The following ATP2B2 variants were observed in gnomAD, a reference collection of about 807,000 sequenced individuals.
ATP2B2 encodes plasma membrane calcium-transporting ATPase 2.
Under a neutral mutation model 120.0 loss-of-function variants are expected in ATP2B2, and 15 were observed. That is an observed-to-expected ratio of 0.12 (90% confidence interval 0.08 to 0.19). The LOEUF is 0.19. ATP2B2 is among the 10% of genes least tolerant of loss of function. ATP2B2 has a pLI of 1.00. For missense variants in ATP2B2, 1,045 were observed against 1,719.8 expected (o/e 0.61, Z 6.94); for synonymous variants, 694 against 700.3 (o/e 0.99, Z 0.14).
intron 1 of ATP2B2, among the ~76,000 whole-genome samples, chr3:10,453,330 T>G (rs945113509): frequency 1.3e-5 from 2 of 152,340 alleles, no homozygotes; most frequent in South Asian, 2.1e-4. Context: ...GCCCAGAACA[T>G]AGTCAGCACT....
intron 2 of ATP2B2, among the ~76,000 whole-genome samples, chr3:10,616,298 T>C (rs890104213): frequency 3.3e-5 from 5 of 152,220 alleles, no homozygotes; most frequent in African/African-American, 1.2e-4. Flanking sequence ...CTGGTGTCTT[T>C]ATAAGAAAAA....
At chr3:10,543,633 T>G (rs892940655) in intron 2 of ATP2B2, among the ~76,000 whole-genome samples, 1 of 152,228 alleles carries the variant, frequency 6.6e-6, no homozygotes, top group African/African-American at 2.4e-5. Flanking sequence ...GTTATTGTTG[T>G]TTTTAAATGA....
rs537297686 is a variant in ATP2B2, at chr3:10,480,181, T to C, written c.-320+25284A>G. 1.8e-3 allele frequency among the ~76,000 whole-genome samples: 278 copies of C among 152,302 alleles called. 2 individuals carry two copies. The highest frequency in any genetic ancestry group is 6.3e-3 in the African/African-American group (263 of 41,568). On this transcript the variant is annotated intron_variant, in intron 1 of 22. Transcript: ENST00000360273. ...GGGGGAAGGGTGTATTCACTTTCTA[T>C]AAATTTTGGGTTTTCTGAGAACTTA...
intron 2 of ATP2B2, among the ~76,000 whole-genome samples, chr3:10,549,736 T>C (rs1171285433): frequency 6.6e-6 from 1 of 152,106 alleles, no homozygotes; most frequent in Non-Finnish European, 1.5e-5. Flanking sequence ...TGCCCTGTGC[T>C]CCCTGCCAGG....
At chr3:10,556,223 G>A (rs190112231) in intron 2 of ATP2B2, among the ~76,000 whole-genome samples, 1 of 152,182 alleles carries the variant, frequency 6.6e-6, no homozygotes, top group Non-Finnish European at 1.5e-5. Flanking sequence ...ATGACAGGCA[G>A]TGCTCACGGA....
chr3:10,632,961 A>G (rs968149808), intron 1 of ATP2B2, among the ~76,000 whole-genome samples: 2 of 152,218 alleles, frequency 1.3e-5, no homozygotes, highest in African/African-American at 2.4e-5. Flanking sequence ...GGACACTCAA[A>G]TGGAGGGGGG....
chr3:10,383,213 G>A (rs1169732748), intron 8 of ATP2B2, among the ~76,000 whole-genome samples: 1 of 152,000 alleles, frequency 6.6e-6, no homozygotes, highest in Non-Finnish European at 1.5e-5. Flanking sequence ...TTTGGGTCCT[G>A]TGATCACATT....
chr3:10,439,305 G>A (rs1383054480), intron 2 of ATP2B2, among the ~76,000 whole-genome samples: 1 of 152,228 alleles, frequency 6.6e-6, no homozygotes, highest in Non-Finnish European at 1.5e-5. Flanking sequence ...CAGATGGGGA[G>A]GCTGAGGCAT....
intron 2 of ATP2B2, among the ~76,000 whole-genome samples, chr3:10,411,563 C>T (rs2062612698): frequency 6.6e-6 from 1 of 152,230 alleles, no homozygotes; most frequent in African/African-American, 2.4e-5. Context: ...ATGGCCCTCG[C>T]TCTCTGAGCC....
intron 2 of ATP2B2, among the ~76,000 whole-genome samples, chr3:10,613,695 T>C (rs1446217172): frequency 6.6e-6 from 1 of 151,968 alleles, no homozygotes; most frequent in Non-Finnish European, 1.5e-5. Context: ...CCGGCTGCCA[T>C]CATCTCTTAC....
chr3:10,504,564 C>CT (rs922255451), intron 1 of ATP2B2, among the ~76,000 whole-genome samples: 4 of 150,826 alleles, frequency 2.7e-5, no homozygotes, highest in South Asian at 2.1e-4. Flanking sequence ...TCCAGAGCAC[C>CT]CCCCCAACCC....
At chr3:10,450,070 C>T (rs920009423) in intron 1 of ATP2B2, among the ~76,000 whole-genome samples, 1 of 152,156 alleles carries the variant, frequency 6.6e-6, no homozygotes, top group Non-Finnish European at 1.5e-5. Context: ...AGGCATAGCC[C>T]CATAACACAC....
chr3:10,376,135 C>T (rs1382669868), intron 10 of ATP2B2, among the ~76,000 whole-genome samples: 1 of 152,100 alleles, frequency 6.6e-6, no homozygotes, highest in South Asian at 2.1e-4. Flanking sequence ...AACTAGGACA[C>T]AGCAGTAAAG....
chr3:10,547,906 T>C (rs2067586587), intron 2 of ATP2B2, among the ~76,000 whole-genome samples: 1 of 152,238 alleles, frequency 6.6e-6, no homozygotes. Context: ...AGCTGGACCA[T>C]TTTCCCAACA....
intron 1 of ATP2B2, among the ~76,000 whole-genome samples, chr3:10,673,806 C>CAAAAAAAAA (rs549651187): frequency 1.4e-5 from 1 of 73,758 alleles, no homozygotes; most frequent in Non-Finnish European, 2.4e-5. Flanking sequence ...GACCCTGTTT[C>CAAAAAAAAA]AAAAAAAAAA....
chr3:10,613,546 G>C (rs1259893308), intron 2 of ATP2B2, among the ~76,000 whole-genome samples: 1 of 152,026 alleles, frequency 6.6e-6, no homozygotes, highest in Admixed American at 6.6e-5. Flanking sequence ...CACCATTGGT[G>C]TCAAAACACA....
At chr3:10,400,893 C>T (rs1559287780) in intron 5 of ATP2B2, 60 bp downstream of exon 5, 28 of 1,609,274 alleles carry the variant, frequency 1.7e-5, no homozygotes, top group South Asian at 1.4e-4. Flanking sequence ...ATGAAGGGGA[C>T]ACACAGGCAT....
At chr3:10,373,515 G>A (rs186364769) in intron 11 of ATP2B2, among the ~76,000 whole-genome samples, 17 of 152,320 alleles carry the variant, frequency 1.1e-4, no homozygotes, top group African/African-American at 3.9e-4. Flanking sequence ...GAAATGTGCT[G>A]TGAGTGCAAA....
chr3:10,406,374 C>G (rs866253262), intron 3 of ATP2B2, among the ~76,000 whole-genome samples: 1 of 152,214 alleles, frequency 6.6e-6, no homozygotes, highest in African/African-American at 2.4e-5. Flanking sequence ...TGTGGTCACT[C>G]AGCAAACATA....
Sources: gnomAD v4.1 joint callset for allele counts (sites outside exome capture counted in the v4.1 genomes callset) on GRCh38, gnomAD v4.1.1 for gene constraint, MANE v1.5 for transcripts, NCBI Gene and HGNC (gene_info 2026-07-23, HGNC 2026-07-21) for gene names.